FBXW8: variants seen among roughly 807,000 people sequenced by gnomAD.
FBXW8 encodes F-box/WD repeat-containing protein 8.
FBXW8 carries 57 observed loss-of-function variants against 65.3 expected under a neutral mutation model. The ratio of observed to expected loss-of-function variants is 0.87; its 90% CI spans 0.71 to 1.09. The LOEUF (loss-of-function observed/expected upper bound fraction) is 1.09, where lower values mean the gene tolerates loss of function less well. Ranked by LOEUF, FBXW8 falls within the 50% of genes least tolerant of loss-of-function variation. FBXW8 has a pLI of 0.00. For synonymous variants in FBXW8, 308 were observed against 330.2 expected, an observed-to-expected ratio of 0.93 and a Z score of 0.73; for missense variants, 777 against 814.8, an observed-to-expected ratio of 0.95 and a Z score of 0.57.
At chr12:116,957,389 A>G (rs896768543) in intron 4 of FBXW8, among the ~76,000 whole-genome samples, 4 of 152,314 alleles carry the variant, frequency 2.6e-5, no homozygotes, top group East Asian at 3.9e-4. Flanking sequence ...ACTGTATACC[A>G]TGCCAAAATA....
Position 116,965,062 on chromosome 12 carries a change from A to G in FBXW8, c.835+208A>G, listed in dbSNP as rs150227236. On this transcript the variant is annotated intron_variant, in intron 5 of 10. Transcript: ENST00000652555. The stretch of plus-strand genomic sequence containing the variant: ...TAGTAGGCATTGGAACACAGCACCC[A>G]TTAAAACTGGTGTTTAATTCCTACT... Among the ~76,000 whole-genome samples, 9 of 152,356 alleles carry G rather than the reference A, an allele frequency of 5.9e-5. No individual in the cohort carries two copies. In the East Asian group the frequency reaches 1.5e-3, roughly 26 times the overall value.
intron 4 of FBXW8, chr12:116,951,483 C>T (rs1342673137): frequency 6.6e-6 from 1 of 152,138 alleles, no homozygotes; most frequent in African/African-American, 2.4e-5. Flanking sequence ...CCAACTCACC[C>T]CTTCTTTCTC....
At chr12:117,000,679 C>G (rs1412221823) in intron 7 of FBXW8, among the ~76,000 whole-genome samples, 1 of 152,186 alleles carries the variant, frequency 6.6e-6, no homozygotes, top group Non-Finnish European at 1.5e-5. Flanking sequence ...ATCCTGGTGC[C>G]AAAACTTCCT....
At chr12:117,009,824 G>T (rs1161527016) in intron 7 of FBXW8, among the ~76,000 whole-genome samples, 1 of 152,114 alleles carries the variant, frequency 6.6e-6, no homozygotes, top group Non-Finnish European at 1.5e-5. Context: ...TTATAGTTCA[G>T]TCCGAAGGAA....
chr12:116,964,008 C>T (rs1377988415), intron 4 of FBXW8, among the ~76,000 whole-genome samples: 4 of 152,196 alleles, frequency 2.6e-5, no homozygotes, highest in Admixed American at 1.3e-4. Context: ...TGAGTAGGTT[C>T]GGCCTGGCCT....
At chr12:116,927,449 A>G (rs1881418691) in intron 1 of FBXW8, among the ~76,000 whole-genome samples, 1 of 152,182 alleles carries the variant, frequency 6.6e-6, no homozygotes, top group Non-Finnish European at 1.5e-5. Context: ...GGTGGCGTTC[A>G]TCTCCATCAA....
intron 5 of FBXW8, among the ~76,000 whole-genome samples, chr12:116,974,567 T>G (rs909221988): frequency 2.0e-5 from 3 of 152,220 alleles, no homozygotes; most frequent in Non-Finnish European, 2.9e-5. Flanking sequence ...CCATACTATT[T>G]TGTAGAATAC....
chr12:117,003,791 G>A (rs919258381), intron 7 of FBXW8, among the ~76,000 whole-genome samples: 5 of 152,178 alleles, frequency 3.3e-5, no homozygotes, highest in Admixed American at 1.3e-4. Context: ...CACTACTGAC[G>A]AGTTGGCTGT....
intron 1 of FBXW8, among the ~76,000 whole-genome samples, chr12:116,915,640 CTTTTTTTTTTTTT>C (rs57687048): frequency 1.4e-4 from 11 of 77,202 alleles, no homozygotes; most frequent in Non-Finnish European, 1.6e-4. Context: ...CACCTGACTA[CTTTTTTTTTTTTT>C]TTTTTTTTTT....
intron 8 of FBXW8, among the ~76,000 whole-genome samples, chr12:117,018,038 G>A (rs1297987841): frequency 6.6e-6 from 1 of 152,158 alleles, no homozygotes; most frequent in East Asian, 1.9e-4. Context: ...GTTATTCAGA[G>A]CTCTTAACAC....
intron 2 of FBXW8, among the ~76,000 whole-genome samples, chr12:116,932,216 T>G (rs1881824238): frequency 6.6e-6 from 1 of 152,198 alleles, no homozygotes; most frequent in Non-Finnish European, 1.5e-5. Flanking sequence ...TGGACAACTG[T>G]ATTCTCTAGG....
At chr12:117,004,030 G>A (rs1297628411) in intron 7 of FBXW8, among the ~76,000 whole-genome samples, 1 of 152,186 alleles carries the variant, frequency 6.6e-6, no homozygotes, top group African/African-American at 2.4e-5. Context: ...GTGGAGCTCA[G>A]GGGAGGTGTG....
At chr12:116,939,005 G>A (rs569890829) in intron 2 of FBXW8, among the ~76,000 whole-genome samples, 1 of 152,186 alleles carries the variant, frequency 6.6e-6, no homozygotes, top group East Asian at 1.9e-4. Flanking sequence ...GTGGGCCTGA[G>A]TGCCCAGTAC....
intron 1 of FBXW8, among the ~76,000 whole-genome samples, chr12:116,915,897 C>T (rs1020525546): frequency 1.3e-5 from 2 of 151,928 alleles, no homozygotes; most frequent in East Asian, 1.9e-4. Context: ...GTGATCTGCC[C>T]GCCTCGGCCT....
intron 5 of FBXW8, among the ~76,000 whole-genome samples, chr12:116,965,640 A>C (rs963705902): frequency 2.6e-5 from 4 of 152,192 alleles, no homozygotes; most frequent in African/African-American, 9.7e-5. Context: ...ACCACTGCAA[A>C]TCTTCAGAGT....
At chr12:116,980,634 A>G (rs1005606525) in intron 5 of FBXW8, among the ~76,000 whole-genome samples, 1 of 152,226 alleles carries the variant, frequency 6.6e-6, no homozygotes, top group African/African-American at 2.4e-5. Flanking sequence ...TTAAAAAAAA[A>G]TACCTATTTG....
intron 7 of FBXW8, among the ~76,000 whole-genome samples, chr12:116,994,409 A>G (rs978147939): frequency 6.6e-6 from 1 of 152,252 alleles, no homozygotes; most frequent in Non-Finnish European, 1.5e-5. Context: ...TGACTGGGTA[A>G]TGCATTCACC....
chr12:116,962,779 A>G (rs892626675), intron 4 of FBXW8, among the ~76,000 whole-genome samples: 6 of 152,108 alleles, frequency 3.9e-5, no homozygotes, highest in African/African-American at 9.7e-5. Context: ...ACATTCAAAC[A>G]TGTCTCATCT....
intron 8 of FBXW8, among the ~76,000 whole-genome samples, chr12:117,014,777 G>A (rs1052883470): frequency 9.8e-5 from 15 of 152,320 alleles, no homozygotes; most frequent in East Asian, 3.9e-4. Context: ...TCTTAAAGCC[G>A]TTGCCGTCCT....
Sources: gnomAD v4.1 joint callset for allele counts (sites outside exome capture counted in the v4.1 genomes callset) on GRCh38, gnomAD v4.1.1 for gene constraint, MANE v1.5 for transcripts, NCBI Gene and HGNC (gene_info 2026-07-23, HGNC 2026-07-21) for gene names.